The following FLNB variants were observed in gnomAD, a reference collection of about 807,000 sequenced individuals.
FLNB encodes filamin-B.
FLNB carries 111 observed loss-of-function variants against 250.6 expected under a neutral mutation model. That is an observed-to-expected ratio of 0.44 (90% CI 0.38 to 0.52). The LOEUF (loss-of-function observed/expected upper bound fraction) is 0.52, where lower values mean the gene tolerates loss of function less well. Among genes scored for constraint, FLNB ranks in the 20% least tolerant of loss-of-function variants. The pLI is 0.00. For missense variants in FLNB, 2,869 were observed against 3,447.8 expected, an observed-to-expected ratio of 0.83 and a Z score of 4.20; for synonymous variants, 1,302 against 1,372.1, an observed-to-expected ratio of 0.95 and a Z score of 1.13.
At chr3:58,031,197 CTTTT>C (rs957110953) in intron 1 of FLNB, among the ~76,000 whole-genome samples, 1 of 152,002 alleles carries the variant, frequency 6.6e-6, no homozygotes, top group Admixed American at 6.6e-5. Flanking sequence ...CTTCACTCCC[CTTTT>C]TTTGTGTGGA....
intron 16 of FLNB, among the ~76,000 whole-genome samples, chr3:58,111,121 C>A (rs2097267968): frequency 6.6e-6 from 1 of 152,108 alleles, no homozygotes; most frequent in South Asian, 2.1e-4. Flanking sequence ...TACTTTGATG[C>A]CTTTGAAGCA....
intron 1 of FLNB, among the ~76,000 whole-genome samples, chr3:58,038,014 ATTGTTTGTTTGTTTGT>A: frequency 6.6e-6 from 1 of 152,104 alleles, no homozygotes; most frequent in South Asian, 2.1e-4. Context: ...GCCTGTTCTT[ATTGTTTGTTTGTTTGT>A]TTGTTTGTTT....
chr3:58,119,032 C>T (rs775754491), intron 19 of FLNB, 43 bp downstream of exon 19: 1 of 1,348,178 alleles, frequency 7.4e-7, no homozygotes, highest in East Asian at 2.3e-5. Flanking sequence ...TGATGACCCC[C>T]CAACGTGGCT....
At chr3:58,099,001 A>G in intron 8 of FLNB, 93 bp downstream of exon 8, 1 of 1,053,760 alleles carries the variant, frequency 9.5e-7, no homozygotes, top group Non-Finnish European at 1.5e-6. Flanking sequence ...AGGGCCCAAC[A>G]TTGACCTTAT....
intron 34 of FLNB, among the ~76,000 whole-genome samples, 182 bp downstream of exon 34, chr3:58,147,175 C>T (rs1227420377): frequency 6.6e-6 from 1 of 152,220 alleles, no homozygotes; most frequent in African/African-American, 2.4e-5. Flanking sequence ...CCTTCTCTTG[C>T]TGATAATCCA....
chr3:58,140,784 T>C (rs755560377), intron 29 of FLNB, among the ~76,000 whole-genome samples: 1 of 152,132 alleles, frequency 6.6e-6, no homozygotes, highest in East Asian at 1.9e-4. Context: ...ATTTTTTGTA[T>C]ATTTAGTAGA....
intron 42 of FLNB, among the ~76,000 whole-genome samples, chr3:58,161,704 G>A (rs2097362012): frequency 2.0e-5 from 3 of 152,110 alleles, no homozygotes; most frequent in South Asian, 2.1e-4. Flanking sequence ...ATTGAGCTGC[G>A]CCCTGCAAGG....
chr3:58,083,296 C>G (rs2097211925), intron 4 of FLNB, among the ~76,000 whole-genome samples: 1 of 118,040 alleles, frequency 8.5e-6, no homozygotes, highest in Admixed American at 9.0e-5. Flanking sequence ...GGGCATGTGT[C>G]TTGTAGGATG....
chr3:58,055,064 C>T (rs28707282), intron 1 of FLNB, among the ~76,000 whole-genome samples: 3,737 of 152,144 alleles, frequency 0.025, 128 homozygotes, highest in African/African-American at 0.085. Context: ...GTCAGGAGTT[C>T]AAGACCATCC....
At position 58,169,180 on chromosome 3, in the gene FLNB, T is replaced by G. The variant is rs979298089; in HGVS notation, c.7418-410T>G. 1 of 272,882 alleles carries G rather than the reference T, an allele frequency of 3.7e-6. No homozygotes were observed. The highest frequency in any genetic ancestry group is 2.2e-5 in the African/African-American group (1 of 45,446). 16.9% of individuals were successfully genotyped at this position (272,882 alleles called of 1,614,324 possible). A position where few individuals can be genotyped will look rare whatever the true frequency, so the allele number is the denominator to read the frequency against. On this transcript the variant is annotated intron_variant, in intron 44 of 45. Coordinates refer to ENST00000295956, the MANE Select transcript of FLNB (RefSeq NM_001457.4). This position sits in a 1 kb window ranked among gnomAD's most constrained non-coding sequence, Gnocchi z 4.8. ...TCGCAGGAAAATTAGAAAATTCAGATAGAAAAATCATCCTTTCTCATCCAC... is the reference window on the plus strand; with the variant it reads ...TCGCAGGAAAATTAGAAAATTCAGAGAGAAAAATCATCCTTTCTCATCCAC...
At chr3:58,141,782 C>T in intron 29 of FLNB, 76 bp from the exon 30 acceptor site, 2 of 1,331,186 alleles carry the variant, frequency 1.5e-6, no homozygotes, top group Non-Finnish European at 2.2e-6. Context: ...GTGGGGGAAG[C>T]AGCTCTGTGG....
chr3:58,049,455 C>G (rs1305748446), intron 1 of FLNB, among the ~76,000 whole-genome samples: 2 of 152,114 alleles, frequency 1.3e-5, no homozygotes, highest in African/African-American at 4.8e-5. Context: ...GGTTTAGGCT[C>G]CAGGGAGCCA....
At chr3:58,096,046 C>G (rs2097237950) in intron 5 of FLNB, 95 bp from the exon 6 acceptor site, 1 of 943,066 alleles carries the variant, frequency 1.1e-6, no homozygotes, top group African/African-American at 1.6e-5. Context: ...TTCAGTGTTT[C>G]CGACCTGGCA....
chr3:58,047,435 C>T (rs1187150123), intron 1 of FLNB, among the ~76,000 whole-genome samples: 5 of 152,028 alleles, frequency 3.3e-5, no homozygotes, highest in Admixed American at 2.6e-4. Context: ...GGTCTGGAAA[C>T]CCTCACTCTT....
intron 1 of FLNB, among the ~76,000 whole-genome samples, chr3:58,026,634 T>A (rs1359147655): frequency 6.6e-6 from 1 of 152,128 alleles, no homozygotes; most frequent in African/African-American, 2.4e-5. Context: ...TTTTCGGTTC[T>A]CTTGAGGAGT....
In FLNB at chr3:58,008,697, A is replaced by G; in HGVS notation, c.133A>G (p.Ser45Gly). Residue 45 changes from serine to glycine, a missense_variant, in exon 1 of 46, where the codon AGC (serine) becomes GGC (glycine). Coordinates refer to ENST00000295956, the MANE Select transcript of FLNB (RefSeq NM_001457.4). Reference protein sequence around the residue: ...KRIGNLQTDLSDGLRLIALLE... With the variant: ...KRIGNLQTDLGDGLRLIALLE... Reference sequence around the variant, plus strand: ...CATCGGCAACCTGCAGACCGACCTGAGCGACGGGCTGCGGCTCATCGCGCT... The same window carrying G: ...CATCGGCAACCTGCAGACCGACCTGGGCGACGGGCTGCGGCTCATCGCGCT... The G allele has an allele frequency of 6.2e-7, 1 of 1,614,154 alleles. No individual in the cohort carries two copies. The highest frequency in any genetic ancestry group is 2.2e-5 in the East Asian group (1 of 44,866).
chr3:58,147,070 C>G, intron 34 of FLNB, 77 bp downstream of exon 34: 6 of 1,473,406 alleles, frequency 4.1e-6, no homozygotes, highest in Middle Eastern at 2.3e-4. Flanking sequence ...TTATCAGACC[C>G]CTGGCAGCAG....
rs372492210 is a variant in FLNB at position 58,118,904 on chromosome 3, C to G, written c.2778C>G (p.Gly926=). The change falls in exon 19 of 46, where the codon GGC becomes GGG. Residue 926 remains glycine (G), a synonymous_variant. Transcript: ENST00000295956. ...GNMQVLVTYG[G]DPIPKSPFTV... is the part of the protein sequence containing the mutation. ...TGCAGGTTCTGGTGACTTACGGTGG[C>G]GATCCCATCCCTAAAAGCCCTTTCA... 8 of 1,613,870 alleles carry G rather than the reference C, an allele frequency of 5.0e-6. No homozygotes were observed. Among genetic ancestry groups the G allele is most frequent in the South Asian group, 4.4e-5 (4 of 91,074 alleles).
chr3:58,062,111 A>G (rs1398462784), intron 1 of FLNB, among the ~76,000 whole-genome samples: 2 of 152,184 alleles, frequency 1.3e-5, no homozygotes, highest in East Asian at 1.9e-4. Context: ...TAAAAAATCA[A>G]GCAATGCAGA....
Sources: gnomAD v4.1 joint callset for allele counts (sites outside exome capture counted in the v4.1 genomes callset) on GRCh38, gnomAD v4.1.1 for gene constraint, Gnocchi (gnomAD v3.1) non-coding constraint, MANE v1.5 for transcripts, NCBI Gene and HGNC (gene_info 2026-07-23, HGNC 2026-07-21) for gene names.